TTC29: variants seen among roughly 807,000 people sequenced by gnomAD.
TTC29 encodes tetratricopeptide repeat domain 29, also known as tetratricopeptide repeat protein 29.
A neutral mutation model predicts 58.1 loss-of-function variants in TTC29; 49 were observed. The ratio of observed to expected loss-of-function variants is 0.84; its 90% CI spans 0.67 to 1.07. TTC29 has a LOEUF of 1.07. TTC29 is among the 50% of genes least tolerant of loss of function. The probability of loss-of-function intolerance (pLI) is 0.00; values close to 1 mark genes in which losing one functional copy is unlikely to be tolerated. For synonymous variants in TTC29, 209 were observed against 196.8 expected (o/e 1.06, Z -0.52); for missense variants, 582 against 555.6 (o/e 1.05, Z -0.48).
intron 6 of TTC29, among the ~76,000 whole-genome samples, chr4:146,895,068 A>T (rs1421689298): frequency 2.0e-5 from 3 of 152,196 alleles, no homozygotes; most frequent in South Asian, 2.1e-4. Flanking sequence ...AAGTGAGAAC[A>T]TATGGTATTT....
intron 11 of TTC29, among the ~76,000 whole-genome samples, chr4:146,795,167 G>A (rs999674007): frequency 2.1e-4 from 32 of 152,258 alleles, no homozygotes; most frequent in Admixed American, 2.0e-3. Flanking sequence ...TTTGGGTATG[G>A]TGAATATTGG....
At chr4:146,732,468 G>T (rs889171116) in intron 11 of TTC29, among the ~76,000 whole-genome samples, 10 of 152,172 alleles carry the variant, frequency 6.6e-5, no homozygotes, top group African/African-American at 2.4e-4. Context: ...GATGACACAT[G>T]TTGGTAGGAG....
chr4:146,806,778 T>G (rs1421204492), intron 10 of TTC29, among the ~76,000 whole-genome samples: 3 of 152,050 alleles, frequency 2.0e-5, no homozygotes, highest in African/African-American at 7.2e-5. Context: ...GACTCCCACA[T>G]AATAATAGTG....
intron 8 of TTC29, among the ~76,000 whole-genome samples, chr4:146,857,178 C>A (rs948550753): frequency 6.6e-6 from 1 of 151,888 alleles, no homozygotes; most frequent in African/African-American, 2.4e-5. Flanking sequence ...TTTTAAAAAA[C>A]CCTTTCTTTT....
chr4:146,928,441 T>A (rs972420902), intron 4 of TTC29, among the ~76,000 whole-genome samples: 2 of 152,216 alleles, frequency 1.3e-5, no homozygotes, highest in Non-Finnish European at 2.9e-5. Flanking sequence ...GTCATTACTA[T>A]TATTTTTGCA....
intron 6 of TTC29, among the ~76,000 whole-genome samples, chr4:146,901,165 A>G (rs998906744): frequency 1.2e-4 from 18 of 152,220 alleles, no homozygotes; most frequent in African/African-American, 4.3e-4. Context: ...ACCCTTTTGT[A>G]CAGTTTGAAA....
intron 8 of TTC29, among the ~76,000 whole-genome samples, chr4:146,834,688 A>G (rs891552066): frequency 6.6e-6 from 1 of 152,170 alleles, no homozygotes; most frequent in Admixed American, 6.5e-5. Flanking sequence ...ATTTTCTAAG[A>G]AAGAATTAGC....
intron 6 of TTC29, among the ~76,000 whole-genome samples, chr4:146,882,471 T>C (rs892309873): frequency 6.6e-6 from 1 of 152,130 alleles, no homozygotes; most frequent in African/African-American, 2.4e-5. Flanking sequence ...TAATAAATTG[T>C]TTTACTTTAA....
At chr4:146,856,833 G>A (rs1383938201) in intron 8 of TTC29, among the ~76,000 whole-genome samples, 2 of 151,466 alleles carry the variant, frequency 1.3e-5, no homozygotes, top group Non-Finnish European at 2.9e-5. Context: ...CTTTACTACA[G>A]AAACTATGTT....
At chr4:146,874,299 A>G (rs1348759686) in intron 7 of TTC29, among the ~76,000 whole-genome samples, 1 of 152,116 alleles carries the variant, frequency 6.6e-6, no homozygotes, top group East Asian at 1.9e-4. Flanking sequence ...CCTGTTACTA[A>G]TAACTAAATA....
chr4:146,884,299 A>T (rs1214172709), intron 6 of TTC29, among the ~76,000 whole-genome samples: 2 of 152,100 alleles, frequency 1.3e-5, no homozygotes, highest in African/African-American at 4.8e-5. Context: ...GAAAATGTTT[A>T]CTAGGGTTGG....
intron 6 of TTC29, among the ~76,000 whole-genome samples, chr4:146,886,986 A>C (rs1732028998): frequency 1.3e-5 from 2 of 152,202 alleles, no homozygotes; most frequent in African/African-American, 4.8e-5. Flanking sequence ...TCATGATTCC[A>C]CTTACTTGAG....
intron 5 of TTC29, among the ~76,000 whole-genome samples, chr4:146,904,389 G>A (rs941490874): frequency 2.0e-5 from 3 of 152,052 alleles, no homozygotes; most frequent in African/African-American, 4.8e-5. Flanking sequence ...AAATACTGTC[G>A]TTTTTACTCA....
At chr4:146,856,172 A>G (rs1055951826) in intron 8 of TTC29, among the ~76,000 whole-genome samples, 1 of 152,198 alleles carries the variant, frequency 6.6e-6, no homozygotes, top group African/African-American at 2.4e-5. Flanking sequence ...AGGATGCGCT[A>G]AATAAAAAAT....
At chr4:146,744,961 TATGGAGAAA>T (rs1745435330) in intron 11 of TTC29, among the ~76,000 whole-genome samples, 1 of 152,134 alleles carries the variant, frequency 6.6e-6, no homozygotes, top group Non-Finnish European at 1.5e-5. Flanking sequence ...TCTGCAAATT[TATGGAGAAA>T]ATGGAGAAGA....
chr4:146,789,136 C>T (rs1000993333), intron 11 of TTC29, among the ~76,000 whole-genome samples: 4 of 151,944 alleles, frequency 2.6e-5, no homozygotes, highest in African/African-American at 4.8e-5. Context: ...TGTAGTGAGC[C>T]GTACATATTT....
At chr4:146,916,583 T>G (rs1342032053) in intron 4 of TTC29, among the ~76,000 whole-genome samples, 1 of 151,568 alleles carries the variant, frequency 6.6e-6, no homozygotes, top group East Asian at 1.9e-4. Context: ...TCCATGCACT[T>G]CAAAATATAG....
intron 6 of TTC29, among the ~76,000 whole-genome samples, chr4:146,895,791 T>A (rs1164276432): frequency 1.3e-5 from 2 of 152,216 alleles, no homozygotes; most frequent in Admixed American, 6.5e-5. Flanking sequence ...TAATTATCCC[T>A]CAATAAACCC....
At chr4:146,714,597 AAAAG>A (rs1742781915) in intron 11 of TTC29, among the ~76,000 whole-genome samples, 1 of 151,734 alleles carries the variant, frequency 6.6e-6, no homozygotes, top group Admixed American at 6.6e-5. Context: ...TACGAAAAGA[AAAAG>A]AAAAAAAAAA....
Sources: allele counts gnomAD v4.1 joint callset (sites outside exome capture counted in the v4.1 genomes callset), GRCh38; gene constraint gnomAD v4.1.1; transcripts MANE v1.5; gene names NCBI Gene and HGNC (gene_info 2026-07-23, HGNC 2026-07-21).